SUGCT: variants seen among roughly 807,000 people sequenced by gnomAD.
SUGCT encodes succinyl-CoA:glutarate CoA-transferase.
SUGCT carries 41 observed loss-of-function variants against 55.0 expected under a neutral mutation model. That is an observed-to-expected ratio of 0.74 (90% confidence interval 0.58 to 0.97). SUGCT has a LOEUF of 0.97. SUGCT is among the 50% of genes least tolerant of loss of function. The pLI, the probability that SUGCT is intolerant of heterozygous loss-of-function variation, is 0.00. For missense variants in SUGCT, 568 were observed against 547.8 expected, an observed-to-expected ratio of 1.04 and a Z score of -0.37; for synonymous variants, 187 against 200.4, an observed-to-expected ratio of 0.93 and a Z score of 0.56.
At chr7:40,855,219 A>C (rs1794110369) in intron 13 of SUGCT, among the ~76,000 whole-genome samples, 1 of 151,322 alleles carries the variant, frequency 6.6e-6, no homozygotes, top group Non-Finnish European at 1.5e-5. Flanking sequence ...TTAATCTGAA[A>C]AAATGCTCTC....
chr7:40,151,630 GA>G (rs1250802382), intron 1 of SUGCT: 1 of 226,732 alleles, frequency 4.4e-6, no homozygotes. Context: ...TGACATTCAA[GA>G]AGCCACTAAC....
At chr7:40,639,919 A>G (rs1441800583) in intron 12 of SUGCT, among the ~76,000 whole-genome samples, 1 of 152,184 alleles carries the variant, frequency 6.6e-6, no homozygotes, top group East Asian at 1.9e-4. Context: ...TATTTATAGT[A>G]ATAATTTTAA....
At chr7:40,240,761 T>C (rs538373072) in intron 7 of SUGCT, among the ~76,000 whole-genome samples, 1 of 152,318 alleles carries the variant, frequency 6.6e-6, no homozygotes, top group South Asian at 2.1e-4. Context: ...AGATGAGTGA[T>C]TGGAACTCAG....
intron 1 of SUGCT, among the ~76,000 whole-genome samples, chr7:40,157,317 C>T (rs1029176187): frequency 6.6e-5 from 10 of 152,130 alleles, no homozygotes; most frequent in East Asian, 1.9e-4. Context: ...CAGGCGAAGG[C>T]GGCAGCTGGG....
chr7:40,874,784 C>T, the SUGCT span, among the ~76,000 whole-genome samples: 9 of 152,192 alleles, frequency 5.9e-5, no homozygotes, highest in Admixed American at 2.6e-4. Context: ...GCTCTAGAAA[C>T]GTACCTCCTC....
intron 8 of SUGCT, among the ~76,000 whole-genome samples, chr7:40,296,612 CGTGTGTGTGTGTGT>C (rs10528858): frequency 4.4e-4 from 63 of 144,824 alleles, no homozygotes; most frequent in South Asian, 1.8e-3. Flanking sequence ...GTGAGTGACT[CGTGTGTGTGTGTGT>C]GTGTGTGTGT....
chr7:40,932,553 G>A, the SUGCT span, among the ~76,000 whole-genome samples: 1 of 151,098 alleles, frequency 6.6e-6, no homozygotes, highest in Non-Finnish European at 1.5e-5. Flanking sequence ...TATTGTGTGG[G>A]AGTCTAAGTC....
chr7:40,931,834 T>TA, the SUGCT span, among the ~76,000 whole-genome samples: 1 of 152,240 alleles, frequency 6.6e-6, no homozygotes. Context: ...TTAGTCTTGC[T>TA]AGCAGTCTAT....
chr7:40,525,448 A>G (rs971892950), intron 12 of SUGCT, among the ~76,000 whole-genome samples: 1 of 152,102 alleles, frequency 6.6e-6, no homozygotes. Context: ...CATTGTGAGG[A>G]AAGTGTCTGT....
chr7:40,723,292 T>G (rs1348013324), intron 12 of SUGCT, among the ~76,000 whole-genome samples: 7 of 152,116 alleles, frequency 4.6e-5, no homozygotes. Flanking sequence ...CCGATTTGAG[T>G]TTCCTCAGCA....
chr7:40,619,386 G>A (rs1261463698), intron 12 of SUGCT, among the ~76,000 whole-genome samples: 1 of 152,054 alleles, frequency 6.6e-6, no homozygotes, highest in Non-Finnish European at 1.5e-5. Context: ...TAAATAATTG[G>A]AAAATATTTT....
At chr7:40,265,551 T>C (rs1791511531) in intron 7 of SUGCT, among the ~76,000 whole-genome samples, 1 of 152,006 alleles carries the variant, frequency 6.6e-6, no homozygotes, top group Non-Finnish European at 1.5e-5. Context: ...GGGAAGAGCA[T>C]AGAGAAATGA....
the SUGCT span, among the ~76,000 whole-genome samples, chr7:40,998,084 T>C: frequency 1.3e-5 from 2 of 152,280 alleles, no homozygotes; most frequent in African/African-American, 2.4e-5. Context: ...ATTTTGAAAG[T>C]AGGTGTGGGC....
intron 13 of SUGCT, among the ~76,000 whole-genome samples, chr7:40,846,207 T>C (rs1473547781): frequency 6.6e-6 from 1 of 152,178 alleles, no homozygotes; most frequent in Non-Finnish European, 1.5e-5. Context: ...CCAAACAAAG[T>C]CTTGGGAATG....
chr7:40,622,936 T>C (rs1231460347), intron 12 of SUGCT, among the ~76,000 whole-genome samples: 1 of 152,214 alleles, frequency 6.6e-6, no homozygotes, highest in Non-Finnish European at 1.5e-5. Context: ...AGGGAGACTT[T>C]TTCCTTGACA....
chr7:40,815,936 G>A (rs536554026), intron 13 of SUGCT, among the ~76,000 whole-genome samples: 1 of 152,328 alleles, frequency 6.6e-6, no homozygotes, highest in East Asian at 1.9e-4. Flanking sequence ...TGCTCCAAAT[G>A]CCTGGATTTC....
chr7:40,641,710 T>C (rs1258777109), intron 12 of SUGCT, among the ~76,000 whole-genome samples: 2 of 152,210 alleles, frequency 1.3e-5, no homozygotes, highest in Non-Finnish European at 2.9e-5. Context: ...ATGTTCCATG[T>C]GTAAAGGTTT....
intron 9 of SUGCT, among the ~76,000 whole-genome samples, chr7:40,329,749 G>A (rs1012756043): frequency 1.3e-5 from 2 of 152,146 alleles, no homozygotes; most frequent in African/African-American, 4.8e-5. Flanking sequence ...GAGTCCACTA[G>A]ATGTCACTCT....
intron 12 of SUGCT, among the ~76,000 whole-genome samples, chr7:40,569,688 C>T (rs922551709): frequency 2.6e-5 from 4 of 151,952 alleles, no homozygotes; most frequent in Non-Finnish European, 5.9e-5. Context: ...TAGGAATTGT[C>T]TCAATATGGA....
Sources: allele counts gnomAD v4.1 joint callset (sites outside exome capture counted in the v4.1 genomes callset), GRCh38; gene constraint gnomAD v4.1.1; transcripts MANE v1.5; gene names NCBI Gene and HGNC (gene_info 2026-07-23, HGNC 2026-07-21).